Variants in MBOAT2 observed in about 807,000 individuals in gnomAD.
MBOAT2 encodes membrane bound glycerophospholipid O-acyltransferase 2, also known as membrane-bound glycerophospholipid O-acyltransferase 2.
In MBOAT2, 28 loss-of-function variants were observed where a neutral mutation model predicts 63.4. The ratio of observed to expected loss-of-function variants is 0.44; its 90% CI spans 0.33 to 0.61. MBOAT2 has a LOEUF of 0.61. MBOAT2 is among the 20% of genes least tolerant of loss of function. The probability of loss-of-function intolerance (pLI) is 0.03; values close to 1 mark genes in which losing one functional copy is unlikely to be tolerated. For synonymous variants in MBOAT2, 211 were observed against 215.6 expected (o/e 0.98, Z 0.19); for missense variants, 470 against 605.8 (o/e 0.78, Z 2.35).
intron 3 of MBOAT2, among the ~76,000 whole-genome samples, chr2:8,916,639 G>C (rs570391311): frequency 8.5e-5 from 13 of 152,318 alleles, no homozygotes; most frequent in Middle Eastern, 3.4e-3. Context: ...TGATGGGAAT[G>C]AAAACAAAAA....
intron 1 of MBOAT2, among the ~76,000 whole-genome samples, chr2:8,959,068 T>C (rs1057460204): frequency 2.6e-5 from 4 of 152,178 alleles, no homozygotes; most frequent in African/African-American, 7.2e-5. Context: ...GAGGGGTCAA[T>C]GTCCCCAAGT....
At chr2:8,999,184 T>A (rs1322640572) in intron 1 of MBOAT2, among the ~76,000 whole-genome samples, 1 of 152,218 alleles carries the variant, frequency 6.6e-6, no homozygotes, top group Non-Finnish European at 1.5e-5. Flanking sequence ...AAACAATGAA[T>A]GACCCCTGTC....
chr2:8,979,235 T>A (rs540485216), intron 1 of MBOAT2, among the ~76,000 whole-genome samples: 4 of 152,172 alleles, frequency 2.6e-5, no homozygotes, highest in African/African-American at 9.7e-5. Context: ...AGTACTAACT[T>A]TTAATGATTA....
At position 8,895,429 on chromosome 2, in the gene MBOAT2, T is replaced by C. The variant is rs148397108; in HGVS notation, c.396-7356A>G. ...CTTTAGCTAGACACAGAGTGCTGGT[T>C]GGTGCATTTACAATCCTTGAGCTAG... On this transcript the variant is annotated intron_variant, in intron 4 of 12. Transcript: ENST00000305997. Among the ~76,000 whole-genome samples the C allele has an allele frequency of 7.4e-3, 1,122 of 152,336 alleles. 8 individuals are homozygous for C. The highest frequency in any genetic ancestry group is 0.017 in the Middle Eastern group (5 of 292).
At chr2:8,983,797 A>G (rs537465694) in intron 1 of MBOAT2, among the ~76,000 whole-genome samples, 7 of 152,324 alleles carry the variant, frequency 4.6e-5, no homozygotes, top group Admixed American at 4.6e-4. Context: ...GTGAGTCAGC[A>G]ACTTACTCTC....
At chr2:8,910,055 A>T (rs1665605032) in intron 3 of MBOAT2, among the ~76,000 whole-genome samples, 1 of 152,128 alleles carries the variant, frequency 6.6e-6, no homozygotes, top group Non-Finnish European at 1.5e-5. Context: ...ACCATAATTA[A>T]CCTGGGAGTT....
intron 4 of MBOAT2, among the ~76,000 whole-genome samples, chr2:8,904,539 A>G (rs964811676): frequency 1.3e-5 from 2 of 151,744 alleles, no homozygotes; most frequent in Admixed American, 1.3e-4. Flanking sequence ...TTGAACTCCT[A>G]AGCTCAAGTG....
intron 3 of MBOAT2, among the ~76,000 whole-genome samples, chr2:8,926,923 G>A (rs533637620): frequency 1.3e-5 from 2 of 152,276 alleles, no homozygotes; most frequent in East Asian, 1.9e-4. Flanking sequence ...TACATGCCCC[G>A]GGCTGCTCTA....
chr2:8,919,960 C>A (rs893462721), intron 3 of MBOAT2, among the ~76,000 whole-genome samples: 2 of 152,054 alleles, frequency 1.3e-5, no homozygotes, highest in African/African-American at 2.4e-5. Flanking sequence ...AAGATGGTGT[C>A]TCACTATGTT....
intron 1 of MBOAT2, among the ~76,000 whole-genome samples, chr2:8,985,620 A>G (rs900561804): frequency 6.6e-6 from 1 of 152,164 alleles, no homozygotes; most frequent in Non-Finnish European, 1.5e-5. Context: ...GCTTAGGCCA[A>G]AAACTTAGGA....
chr2:8,951,207 C>CT (rs538984583), intron 2 of MBOAT2, among the ~76,000 whole-genome samples: 1,434 of 138,632 alleles, frequency 0.01, 5 homozygotes, highest in East Asian at 0.021. Flanking sequence ...CTGGTACCAG[C>CT]TTTTTTTTTT....
intron 12 of MBOAT2, among the ~76,000 whole-genome samples, chr2:8,860,214 T>G (rs1049022407): frequency 2.0e-5 from 3 of 152,130 alleles, no homozygotes; most frequent in Non-Finnish European, 4.4e-5. Context: ...TAATTAATAA[T>G]TCTTTGTAAA....
intron 7 of MBOAT2, 68 bp downstream of exon 7, chr2:8,876,962 A>G: frequency 7.1e-7 from 1 of 1,411,356 alleles, no homozygotes; most frequent in Non-Finnish European, 9.5e-7. Flanking sequence ...ATGTGAAAAT[A>G]TTTGTATCTT....
intron 3 of MBOAT2, among the ~76,000 whole-genome samples, chr2:8,909,150 G>C (rs1387198000): frequency 6.6e-6 from 1 of 152,286 alleles, no homozygotes; most frequent in South Asian, 2.1e-4. Context: ...TTCTAAGTAT[G>C]AGTCGGGTGG....
At chr2:8,861,809 A>G (rs149662304) in intron 11 of MBOAT2, among the ~76,000 whole-genome samples, 1 of 152,228 alleles carries the variant, frequency 6.6e-6, no homozygotes, top group South Asian at 2.1e-4. Flanking sequence ...ACACACATGC[A>G]TAAGGTATGT....
intron 1 of MBOAT2, among the ~76,000 whole-genome samples, chr2:8,966,247 T>C (rs574177167): frequency 2.0e-5 from 3 of 152,308 alleles, no homozygotes; most frequent in African/African-American, 4.8e-5. Flanking sequence ...TTCAATGCAA[T>C]AGTCACTGGC....
chr2:8,995,758 AT>A (rs911960593), intron 1 of MBOAT2, among the ~76,000 whole-genome samples: 4 of 151,710 alleles, frequency 2.6e-5, no homozygotes, highest in African/African-American at 9.7e-5. Flanking sequence ...GCCCGGCCTA[AT>A]TTTTTGTAGT....
intron 3 of MBOAT2, among the ~76,000 whole-genome samples, chr2:8,916,979 A>C (rs1171777422): frequency 6.6e-6 from 1 of 152,250 alleles, no homozygotes; most frequent in Non-Finnish European, 1.5e-5. Flanking sequence ...TGAACAGAAT[A>C]AAGAGTACAG....
chr2:8,857,220 T>A lies in MBOAT2; in HGVS notation c.*1459A>T, dbSNP rs1405260046. The stretch of plus-strand genomic sequence containing the variant: ...ATTTAAGGCAAAAAGTAAAAGTAAG[T>A]TCCATACATAGGTCAAACAAAGGTG... On this transcript the variant is annotated 3_prime_UTR_variant, in exon 13 of 13. Transcript: ENST00000305997. The A allele has an allele frequency of 1.3e-5, 2 of 152,574 alleles. No homozygotes were observed. Among genetic ancestry groups the A allele is most frequent in the Non-Finnish European group, 2.9e-5 (2 of 68,032 alleles). 9.5% of individuals were successfully genotyped at this position (152,574 alleles called of 1,614,324 possible). A position where few individuals can be genotyped will look rare whatever the true frequency, so the allele number is the denominator to read the frequency against.
Sources: allele counts gnomAD v4.1 joint callset (sites outside exome capture counted in the v4.1 genomes callset), GRCh38; gene constraint gnomAD v4.1.1; transcripts MANE v1.5; gene names NCBI Gene and HGNC (gene_info 2026-07-23, HGNC 2026-07-21).